Variants in RALYL observed in about 807,000 individuals in gnomAD.
RALYL encodes the protein RALY RNA binding protein like.
Under a neutral mutation model 35.1 loss-of-function variants are expected in RALYL, and 29 were observed. That is an observed-to-expected ratio of 0.83 (90% CI 0.61 to 1.13). RALYL has a LOEUF of 1.13. Ranked by LOEUF, RALYL falls within the 50% of genes most tolerant of loss-of-function variation. The probability of loss-of-function intolerance (pLI) is 0.00; values close to 1 mark genes in which losing one functional copy is unlikely to be tolerated. For synonymous variants in RALYL, 120 were observed against 127.6 expected, an observed-to-expected ratio of 0.94 and a Z score of 0.40; for missense variants, 359 against 360.4, an observed-to-expected ratio of 1.00 and a Z score of 0.03.
intron 1 of RALYL, among the ~76,000 whole-genome samples, chr8:84,358,832 C>T (rs1360901623): frequency 1.3e-5 from 2 of 151,934 alleles, no homozygotes; most frequent in African/African-American, 4.8e-5. Context: ...TGCAGAGATT[C>T]TTTAGGCCCT....
intron 1 of RALYL, among the ~76,000 whole-genome samples, chr8:84,206,254 A>G (rs1218991273): frequency 6.6e-6 from 1 of 152,142 alleles, no homozygotes; most frequent in Non-Finnish European, 1.5e-5. Flanking sequence ...CAAGTAGTTT[A>G]CCATTCTATG....
chr8:84,222,669 G>A (rs1276767352), intron 1 of RALYL, among the ~76,000 whole-genome samples: 4 of 152,144 alleles, frequency 2.6e-5, no homozygotes, highest in Non-Finnish European at 5.9e-5. Context: ...AAACCTCACT[G>A]AAAGGGTGTA....
intron 1 of RALYL, among the ~76,000 whole-genome samples, chr8:84,309,196 T>A (rs1001538549): frequency 6.6e-6 from 1 of 151,242 alleles, no homozygotes; most frequent in Non-Finnish European, 1.5e-5. Context: ...AAACAAAATT[T>A]AAAAATATAA....
chr8:84,455,245 A>G (rs956778496), intron 1 of RALYL, among the ~76,000 whole-genome samples: 10 of 151,984 alleles, frequency 6.6e-5, no homozygotes, highest in Non-Finnish European at 1.3e-4. Context: ...TTTTTAAAAA[A>G]ATTGAAACTG....
intron 5 of RALYL, among the ~76,000 whole-genome samples, chr8:84,859,417 G>A (rs1221049237): frequency 1.3e-5 from 2 of 152,118 alleles, no homozygotes; most frequent in African/African-American, 2.4e-5. Context: ...CCTGCCTCCA[G>A]ACCCTATTCT....
At chr8:84,283,913 A>C (rs928691477) in intron 1 of RALYL, among the ~76,000 whole-genome samples, 3 of 152,170 alleles carry the variant, frequency 2.0e-5, no homozygotes, top group Non-Finnish European at 4.4e-5. Context: ...GTGGAATTAT[A>C]AAAGGTATTG....
intron 4 of RALYL, among the ~76,000 whole-genome samples, chr8:84,813,984 G>A (rs1001618823): frequency 2.0e-5 from 3 of 147,276 alleles, no homozygotes; most frequent in South Asian, 2.1e-4. Context: ...CCACCTATGA[G>A]TGAGAACATG....
intron 2 of RALYL, among the ~76,000 whole-genome samples, chr8:84,726,300 TTA>T (rs1442445638): frequency 1.4e-5 from 2 of 146,744 alleles, no homozygotes; most frequent in Non-Finnish European, 3.0e-5. Context: ...AAAAATAAAA[TTA>T]TATATATTTA....
At chr8:84,904,567 A>G (rs1274735907) in intron 8 of RALYL, among the ~76,000 whole-genome samples, 1 of 152,164 alleles carries the variant, frequency 6.6e-6, no homozygotes, top group Non-Finnish European at 1.5e-5. Context: ...CCTATTACAT[A>G]TATTCAAAAC....
intron 2 of RALYL, among the ~76,000 whole-genome samples, chr8:84,715,500 C>T (rs1458767080): frequency 6.6e-6 from 1 of 151,848 alleles, no homozygotes; most frequent in East Asian, 1.9e-4. Flanking sequence ...ATAAGTTTTA[C>T]CAATATCCCT....
chr8:84,887,811 G>T (rs117060613), intron 8 of RALYL, 35 bp downstream of exon 8: 6 of 1,570,434 alleles, frequency 3.8e-6, no homozygotes, highest in Non-Finnish European at 5.2e-6. Flanking sequence ...ACACCCTTTG[G>T]GTAACAACAC....
At chr8:84,615,680 G>A (rs1266861484) in intron 2 of RALYL, among the ~76,000 whole-genome samples, 1 of 132,562 alleles carries the variant, frequency 7.5e-6, no homozygotes, top group Non-Finnish European at 1.5e-5. Flanking sequence ...GTGCCATGCT[G>A]GTGCGCTGCA....
chr8:84,871,950 T>A (rs1298478794), intron 6 of RALYL, among the ~76,000 whole-genome samples: 1 of 152,124 alleles, frequency 6.6e-6, no homozygotes, highest in Non-Finnish European at 1.5e-5. Flanking sequence ...TTTTTTATTT[T>A]TTCAAAAAAG....
intron 2 of RALYL, among the ~76,000 whole-genome samples, chr8:84,563,396 A>G (rs2135629781): frequency 6.6e-6 from 1 of 152,000 alleles, no homozygotes; most frequent in African/African-American, 2.4e-5. Flanking sequence ...CTTCTAGGAA[A>G]GAAGAACTGG....
chr8:84,381,842 C>T (rs541938406), intron 1 of RALYL, among the ~76,000 whole-genome samples: 12 of 151,758 alleles, frequency 7.9e-5, no homozygotes, highest in African/African-American at 2.7e-4. Context: ...GTTTTCTTTC[C>T]ATCTACCTGG....
intron 1 of RALYL, among the ~76,000 whole-genome samples, chr8:84,410,159 TTAAC>T (rs1329315660): frequency 2.6e-5 from 4 of 151,940 alleles, no homozygotes; most frequent in Admixed American, 6.6e-5. Flanking sequence ...CTCTGATAAT[TTAAC>T]TACTCCTAAA....
intron 2 of RALYL, among the ~76,000 whole-genome samples, chr8:84,646,006 A>G (rs192216365): frequency 1.3e-5 from 2 of 151,964 alleles, no homozygotes; most frequent in Admixed American, 6.6e-5. Context: ...CAAGATGCAG[A>G]TTCAGGTCTT....
chr8:84,192,357 A>G (rs1483631703), intron 1 of RALYL, among the ~76,000 whole-genome samples: 1 of 152,196 alleles, frequency 6.6e-6, no homozygotes, highest in Admixed American at 6.5e-5. Context: ...ACTTTTCCAG[A>G]TTAAAAAGGA....
intron 2 of RALYL, among the ~76,000 whole-genome samples, chr8:84,653,200 T>C (rs1829215188): frequency 6.6e-6 from 1 of 151,980 alleles, no homozygotes; most frequent in Non-Finnish European, 1.5e-5. Context: ...AAACTACTCT[T>C]CTTCAGCTGC....
Sources: gnomAD v4.1 joint callset for allele counts (sites outside exome capture counted in the v4.1 genomes callset) on GRCh38, gnomAD v4.1.1 for gene constraint, MANE v1.5 for transcripts, NCBI Gene and HGNC (gene_info 2026-07-23, HGNC 2026-07-21) for gene names.